The following IL27RA variants were observed in gnomAD, a reference collection of about 807,000 sequenced individuals.
IL27RA encodes the protein interleukin 27 receptor subunit alpha.
Under a neutral mutation model 80.8 loss-of-function variants are expected in IL27RA, and 61 were observed. That is an observed-to-expected ratio of 0.76 (90% CI 0.61 to 0.93). The LOEUF (loss-of-function observed/expected upper bound fraction) is 0.93. Ranked by LOEUF, IL27RA falls within the 40% of genes least tolerant of loss-of-function variation. The pLI is 0.00. For missense variants in IL27RA, 735 were observed against 808.1 expected (o/e 0.91, Z 1.10); for synonymous variants, 316 against 332.5 (o/e 0.95, Z 0.54).
chr19:14,040,487 C>A (rs1352919798), intron 4 of IL27RA, among the ~76,000 whole-genome samples: 2 of 152,026 alleles, frequency 1.3e-5, no homozygotes, highest in Non-Finnish European at 2.9e-5. Flanking sequence ...GAGTTTGAGA[C>A]CAGCCTGGGC....
At chr19:14,035,693 C>T (rs1440228693) in intron 2 of IL27RA, among the ~76,000 whole-genome samples, 2 of 151,712 alleles carry the variant, frequency 1.3e-5, no homozygotes, top group Admixed American at 6.6e-5. Flanking sequence ...CTGAGCCTGG[C>T]GGGGGGCCTA....
At chr19:14,044,608 T>C (rs1412720154) in intron 6 of IL27RA, among the ~76,000 whole-genome samples, 1 of 151,898 alleles carries the variant, frequency 6.6e-6, no homozygotes, top group African/African-American at 2.4e-5. Flanking sequence ...AAATACAGTT[T>C]GATTGGAACC....
intron 2 of IL27RA, among the ~76,000 whole-genome samples, chr19:14,037,055 C>T (rs1472491228): frequency 1.3e-5 from 2 of 151,124 alleles, no homozygotes; most frequent in African/African-American, 4.9e-5. Flanking sequence ...AGGCTGGTCT[C>T]GAACTCCTGA....
chr19:14,035,790 A>C (rs980466110), intron 2 of IL27RA, among the ~76,000 whole-genome samples: 7 of 151,530 alleles, frequency 4.6e-5, no homozygotes, highest in African/African-American at 1.7e-4. Context: ...TATTGATTTT[A>C]TTTATTTTGA....
rs1975832187 is a variant in IL27RA at position 14,032,384 on chromosome 19, A to G, written c.101-2A>G. The G allele has an allele frequency of 1.2e-6, 2 of 1,610,840 alleles. No homozygotes were observed. Among genetic ancestry groups the G allele is most frequent in the Non-Finnish European group, 1.7e-6 (2 of 1,177,616 alleles). On this transcript the variant is annotated splice_acceptor_variant, in intron 1 of 13. Coordinates refer to ENST00000263379, the MANE Select transcript of IL27RA (RefSeq NM_004843.4). LOFTEE classifies it high-confidence loss of function. Reference sequence around the variant, plus strand: ...CCTGAGACCCTCTGACTCCCTCTCCAGGCAGCGCCGGGCCACTGCAGTGCT... The same window carrying G: ...CCTGAGACCCTCTGACTCCCTCTCCGGGCAGCGCCGGGCCACTGCAGTGCT...
In IL27RA at chr19:14,046,234, C is replaced by G. The variant is rs1976062882; in HGVS notation, c.849C>G (p.Thr283=). Residue 283 remains threonine (T), a synonymous_variant, in exon 7 of 14, where the codon ACC becomes ACG. Coordinates refer to ENST00000263379, the MANE Select transcript of IL27RA (RefSeq NM_004843.4). ...GGRELSPEGI[T]CCCSLIPSGA... ...GTGAGCTGAGTCCAGAAGGAATTAC[C>G]TGCTGCTGCTCCCTAATTCCCAGTG... 6.2e-7 allele frequency: 1 copy of G among 1,614,144 alleles called. No individual in the cohort carries two copies. Among genetic ancestry groups the G allele is most frequent in the Non-Finnish European group, 8.5e-7 (1 of 1,180,014 alleles).
intron 8 of IL27RA, among the ~76,000 whole-genome samples, chr19:14,047,202 A>G (rs1049018737): frequency 7.3e-6 from 1 of 137,748 alleles, no homozygotes; most frequent in Non-Finnish European, 1.5e-5. Flanking sequence ...TACCACCACA[A>G]TCGGTTAATT....
At chr19:14,037,835 T>TCTCTC (rs71170591) in intron 2 of IL27RA, among the ~76,000 whole-genome samples, 3 of 73,126 alleles carry the variant, frequency 4.1e-5, no homozygotes, top group East Asian at 6.2e-4. Context: ...TCTCTCTCTC[T>TCTCTC]TTTTTTTTTT....
Position 14,049,068 on chromosome 19 carries a change from T to C in IL27RA, c.1229T>C (p.Phe410Ser). 1 of 1,613,604 alleles carries C rather than the reference T, an allele frequency of 6.2e-7. No homozygotes were observed. Among genetic ancestry groups the C allele is most frequent in the Non-Finnish European group, 8.5e-7 (1 of 1,179,766 alleles). Residue 410 changes from phenylalanine to serine, a missense_variant, in exon 9 of 14, where the codon TTC becomes TCC. Coordinates refer to ENST00000263379, the MANE Select transcript of IL27RA (RefSeq NM_004843.4). Reference protein sequence around the residue: ...GLASASSVWGFREELAPLVGP... With the variant: ...GLASASSVWGSREELAPLVGP... Reference sequence around the variant, plus strand: ...GCCTCTGCATCCTCCGTCTGGGGGTTCAGGGAGGAATTAGGTAAGAGTGGG... The same window carrying C: ...GCCTCTGCATCCTCCGTCTGGGGGTCCAGGGAGGAATTAGGTAAGAGTGGG...
intron 2 of IL27RA, among the ~76,000 whole-genome samples, chr19:14,037,446 G>T (rs575719089): frequency 3.3e-5 from 5 of 151,364 alleles, no homozygotes; most frequent in African/African-American, 1.2e-4. Flanking sequence ...GTAGAGATGG[G>T]GTTTCACGAT....
chr19:14,048,290 AAATT>A (rs377396890), intron 8 of IL27RA, among the ~76,000 whole-genome samples: 5,046 of 128,712 alleles, frequency 0.039, 137 homozygotes, highest in African/African-American at 0.095. Context: ...ATAAATAAAT[AAATT>A]AATTAATTAA....
intron 4 of IL27RA, among the ~76,000 whole-genome samples, chr19:14,042,176 C>T (rs1425325703): frequency 7.4e-6 from 1 of 135,886 alleles, no homozygotes; most frequent in Non-Finnish European, 1.5e-5. Context: ...TCCAGCCTGG[C>T]GACAGAGCAA....
In IL27RA at chr19:14,042,618, G is replaced by A; in HGVS notation, c.694+6G>A. The stretch of plus-strand genomic sequence containing the variant: ...CTTCCAGACACCGCCTTCTGGTGAG[G>A]ATATCTGGGCTTGCCCTCAATCCAC... On this transcript the variant is annotated splice_donor_region_variant and intron_variant, in intron 5 of 13. Coordinates refer to ENST00000263379, the MANE Select transcript of IL27RA (RefSeq NM_004843.4). 2 of 1,614,116 alleles carry A rather than the reference G, an allele frequency of 1.2e-6. No homozygotes were observed. Among genetic ancestry groups the A allele is most frequent in the Non-Finnish European group, 1.7e-6 (2 of 1,180,012 alleles).
intron 6 of IL27RA, among the ~76,000 whole-genome samples, chr19:14,043,209 G>A (rs1262813066): frequency 6.6e-6 from 1 of 151,994 alleles, no homozygotes; most frequent in Non-Finnish European, 1.5e-5. Context: ...GCCCCCTTGA[G>A]GTTGCTTCGA....
intron 2 of IL27RA, among the ~76,000 whole-genome samples, chr19:14,039,002 T>C (rs11881500): frequency 0.43 from 64,892 of 151,354 alleles, 17,271 homozygotes; most frequent in African/African-American, 0.75. Flanking sequence ...AGAGCAGTTA[T>C]GACCAGGTAT....
intron 8 of IL27RA, 23 bp from the exon 9 acceptor site, chr19:14,048,958 G>T (rs1276201317): frequency 1.3e-6 from 2 of 1,599,618 alleles, no homozygotes; most frequent in East Asian, 2.2e-5. Flanking sequence ...ACTCTAACTG[G>T]TCTTTATTTC....
rs370619722 is a variant in IL27RA at position 14,050,653 on chromosome 19, A to G, written c.1403-105A>G. 157 of 1,223,502 alleles carry G rather than the reference A, an allele frequency of 1.3e-4. 2 individuals are homozygous for G. The African/African-American group carries it at 2.2e-3, about 17-fold the overall frequency. The allele number at this position is 1,223,502 out of a possible 1,614,324, so 75.8% of individuals were successfully genotyped here. On this transcript the variant is annotated intron_variant, in intron 10 of 13. Transcript: ENST00000263379. ...ACCTAAAAGAGATGAGGAGGGAGCC[A>G]TGTGGATACCTGGGAGAGAGTGTTG...
chr19:14,037,825 T>G (rs1455563240), intron 2 of IL27RA, among the ~76,000 whole-genome samples: 2 of 133,638 alleles, frequency 1.5e-5, no homozygotes, highest in African/African-American at 5.3e-5. Flanking sequence ...ACCCTCTCGC[T>G]CTCTCTCTCT....
At position 14,050,838 on chromosome 19, in the gene IL27RA, G is replaced by A. The variant is rs755023014; in HGVS notation, c.1483G>A (p.Ala495Thr). 49 of 1,613,236 alleles carry A rather than the reference G, an allele frequency of 3.0e-5. No individual in the cohort carries two copies. Among genetic ancestry groups the A allele is most frequent in the Admixed American group, 1.2e-4 (7 of 59,976 alleles). ...CELWVTASTIAGQGPPGPILR... is the reference protein window; with the variant it reads ...CELWVTASTITGQGPPGPILR... Reference sequence around the variant, plus strand: ...GCTGTGGGTGACAGCATCTACCATCGCTGGACAGGGCCCTCCTGGTCCCAT... The same window carrying A: ...GCTGTGGGTGACAGCATCTACCATCACTGGACAGGGCCCTCCTGGTCCCAT... Residue 495 changes from alanine to threonine, a missense_variant, in exon 11 of 14, where the codon GCT (alanine) becomes ACT (threonine). Ala to Thr is a moderately conservative substitution (Grantham distance 58). Coordinates refer to ENST00000263379, the MANE Select transcript of IL27RA (RefSeq NM_004843.4).
Sources: gnomAD v4.1 joint callset for allele counts (sites outside exome capture counted in the v4.1 genomes callset) on GRCh38, gnomAD v4.1.1 for gene constraint, MANE v1.5 for transcripts, NCBI Gene and HGNC (gene_info 2026-07-23, HGNC 2026-07-21) for gene names.